The following NSMCE2 variants were observed in gnomAD, a reference collection of about 807,000 sequenced individuals.
NSMCE2 encodes the protein NSE2 SUMO ligase component of SMC5/6 complex, also known as E3 SUMO-protein ligase NSE2.
In NSMCE2, 24 loss-of-function variants were observed where a neutral mutation model predicts 23.8. The ratio of observed to expected loss-of-function variants is 1.01; its 90% CI spans 0.73 to 1.42. The LOEUF is 1.42. Among genes scored for constraint, NSMCE2 ranks in the 40% most tolerant of loss-of-function variants. NSMCE2 has a pLI of 0.00. For synonymous variants in NSMCE2, 92 were observed against 94.1 expected, an observed-to-expected ratio of 0.98 and a Z score of 0.13; for missense variants, 284 against 296.5, an observed-to-expected ratio of 0.96 and a Z score of 0.31.
intron 3 of NSMCE2, among the ~76,000 whole-genome samples, chr8:125,133,676 A>G (rs1261930181): frequency 1.3e-5 from 2 of 152,006 alleles, no homozygotes; most frequent in Non-Finnish European, 2.9e-5. Context: ...CCTGGGAGGC[A>G]GAGGTTGCAG....
chr8:125,110,759 G>GTTTT (rs1387354813), intron 3 of NSMCE2, among the ~76,000 whole-genome samples: 37 of 58,112 alleles, frequency 6.4e-4, no homozygotes, highest in African/African-American at 2.5e-3. Flanking sequence ...TTTGGTTGTT[G>GTTTT]TTGTTTTTTT....
intron 5 of NSMCE2, among the ~76,000 whole-genome samples, chr8:125,223,533 T>G (rs1424526355): frequency 6.6e-6 from 1 of 152,150 alleles, no homozygotes; most frequent in African/African-American, 2.4e-5. Flanking sequence ...CTATTTGTAG[T>G]TTTTTGAGGA....
chr8:125,246,882 ATT>A (rs930095407), intron 5 of NSMCE2, among the ~76,000 whole-genome samples: 1 of 152,066 alleles, frequency 6.6e-6, no homozygotes, highest in African/African-American at 2.4e-5. Context: ...CATAATTACC[ATT>A]TTCTTTTTTT....
chr8:125,198,397 AAG>A (rs1823721919), intron 5 of NSMCE2, among the ~76,000 whole-genome samples: 1 of 152,220 alleles, frequency 6.6e-6, no homozygotes, highest in East Asian at 1.9e-4. Flanking sequence ...TTTAGCATGA[AAG>A]GCTGTTGAAT....
At chr8:125,111,323 A>AT (rs1818736104) in intron 3 of NSMCE2, among the ~76,000 whole-genome samples, 1 of 152,190 alleles carries the variant, frequency 6.6e-6, no homozygotes, top group African/African-American at 2.4e-5. Context: ...AATAGTTTTA[A>AT]ATCCGGGTGC....
chr8:125,183,695 G>C (rs974819463), intron 5 of NSMCE2, among the ~76,000 whole-genome samples: 3 of 151,164 alleles, frequency 2.0e-5, no homozygotes, highest in African/African-American at 7.4e-5. Context: ...GTGATTACCA[G>C]CCTGAGGCCA....
intron 5 of NSMCE2, among the ~76,000 whole-genome samples, chr8:125,331,403 T>C (rs186316460): frequency 2.0e-5 from 3 of 152,340 alleles, no homozygotes; most frequent in Admixed American, 6.5e-5. Flanking sequence ...GTAAAATTGT[T>C]ATCAGTACTC....
At chr8:125,324,430 A>T (rs1037344265) in intron 5 of NSMCE2, among the ~76,000 whole-genome samples, 1 of 150,794 alleles carries the variant, frequency 6.6e-6, no homozygotes, top group African/African-American at 2.4e-5. Flanking sequence ...TGATAAATGA[A>T]TAGACATTGT....
chr8:125,182,533 G>A, intron 5 of NSMCE2: 18 of 453,326 alleles, frequency 4.0e-5, no homozygotes, highest in South Asian at 1.0e-4. Flanking sequence ...AGGGAAATTG[G>A]GAAAACAAAA....
intron 5 of NSMCE2, among the ~76,000 whole-genome samples, chr8:125,214,394 T>G (rs769429002): frequency 6.6e-6 from 1 of 152,052 alleles, no homozygotes; most frequent in Admixed American, 6.5e-5. Context: ...AGGAAATCCA[T>G]GAGCATTAAA....
intron 5 of NSMCE2, among the ~76,000 whole-genome samples, chr8:125,290,961 C>T (rs1352643395): frequency 6.6e-6 from 1 of 152,026 alleles, no homozygotes; most frequent in African/African-American, 2.4e-5. Context: ...TAGCAGTGCC[C>T]GACAATAGGC....
At chr8:125,346,948 A>T (rs1185738674) in intron 5 of NSMCE2, among the ~76,000 whole-genome samples, 2 of 152,230 alleles carry the variant, frequency 1.3e-5, no homozygotes, top group South Asian at 2.1e-4. Flanking sequence ...ATGTCAGCTC[A>T]TTTGGAGGAA....
chr8:125,316,717 T>TCC (rs1300581421), intron 5 of NSMCE2, among the ~76,000 whole-genome samples: 6 of 113,564 alleles, frequency 5.3e-5, no homozygotes, highest in Non-Finnish European at 1.0e-4. Context: ...CTTCTTTCCT[T>TCC]CTTTCTTTCC....
intron 5 of NSMCE2, among the ~76,000 whole-genome samples, chr8:125,297,852 T>C (rs1828390543): frequency 6.6e-6 from 1 of 151,968 alleles, no homozygotes; most frequent in South Asian, 2.1e-4. Flanking sequence ...AATTATTGAT[T>C]ACTTTTACAA....
intron 5 of NSMCE2, among the ~76,000 whole-genome samples, chr8:125,337,711 A>T (rs1349361598): frequency 6.6e-6 from 1 of 151,812 alleles, no homozygotes; most frequent in African/African-American, 2.4e-5. Flanking sequence ...CCTGACCAAC[A>T]TGGAGAAACC....
At chr8:125,093,008 C>T (rs111860572) in intron 1 of NSMCE2, among the ~76,000 whole-genome samples, 4 of 152,266 alleles carry the variant, frequency 2.6e-5, no homozygotes, top group South Asian at 4.1e-4. Context: ...TGTCCCCTTG[C>T]GAGAGGGGTA....
At chr8:125,261,994 A>G (rs942457560) in intron 5 of NSMCE2, among the ~76,000 whole-genome samples, 5 of 152,036 alleles carry the variant, frequency 3.3e-5, no homozygotes, top group African/African-American at 1.2e-4. Flanking sequence ...TTACTCGGGA[A>G]GCTGAGACAG....
At chr8:125,124,576 C>T (rs369147813) in intron 3 of NSMCE2, among the ~76,000 whole-genome samples, 137 of 152,124 alleles carry the variant, frequency 9.0e-4, no homozygotes, top group African/African-American at 3.2e-3. Context: ...ACCTTCTAGG[C>T]TCAAGCAATC....
chr8:125,157,080 A>G (rs2130707701), intron 4 of NSMCE2, among the ~76,000 whole-genome samples: 1 of 152,324 alleles, frequency 6.6e-6, no homozygotes, highest in Admixed American at 6.5e-5. Context: ...GACTGAATAT[A>G]AGAATATACC....
Sources: gnomAD v4.1 joint callset for allele counts (sites outside exome capture counted in the v4.1 genomes callset) on GRCh38, gnomAD v4.1.1 for gene constraint, MANE v1.5 for transcripts, NCBI Gene and HGNC (gene_info 2026-07-23, HGNC 2026-07-21) for gene names.